The following MGAT4A variants were observed in gnomAD, a reference collection of about 807,000 sequenced individuals.
MGAT4A encodes the protein alpha-1,3-mannosyl-glycoprotein 4-beta-N-acetylglucosaminyltransferase A, also known as N-acetylglucosaminyltransferase IVa.
Under a neutral mutation model 74.1 loss-of-function variants are expected in MGAT4A, and 33 were observed. The observed-to-expected ratio is 0.45, with a 90% CI of 0.34 to 0.60. The LOEUF (loss-of-function observed/expected upper bound fraction) is 0.60, where lower values mean the gene tolerates loss of function less well. Among genes scored for constraint, MGAT4A ranks in the 20% least tolerant of loss-of-function variants. The probability of loss-of-function intolerance (pLI) is 0.02; values close to 1 mark genes in which losing one functional copy is unlikely to be tolerated. For synonymous variants in MGAT4A, 198 were observed against 210.4 expected, an observed-to-expected ratio of 0.94 and a Z score of 0.51; for missense variants, 479 against 628.3, an observed-to-expected ratio of 0.76 and a Z score of 2.54.
intron 12 of MGAT4A, among the ~76,000 whole-genome samples, chr2:98,637,699 C>G (rs934284065): frequency 2.0e-5 from 3 of 152,138 alleles, no homozygotes; most frequent in African/African-American, 7.2e-5. Flanking sequence ...GACCTGGGTC[C>G]AAATCCTGGG....
At chr2:98,645,046 T>C (rs1701465275) in intron 9 of MGAT4A, among the ~76,000 whole-genome samples, 2 of 152,250 alleles carry the variant, frequency 1.3e-5, no homozygotes, top group South Asian at 4.1e-4. Flanking sequence ...ATCACTGAAT[T>C]AGGACTTCAT....
chr2:98,702,404 G>A (rs1198216467), intron 2 of MGAT4A, among the ~76,000 whole-genome samples: 1 of 152,180 alleles, frequency 6.6e-6, no homozygotes, highest in Non-Finnish European at 1.5e-5. Flanking sequence ...ACACCAGCTG[G>A]AGACTTAATA....
At chr2:98,659,984 A>C (rs1392772717) in intron 5 of MGAT4A, among the ~76,000 whole-genome samples, 1 of 152,200 alleles carries the variant, frequency 6.6e-6, no homozygotes, top group African/African-American at 2.4e-5. Context: ...AAAAAGGTAT[A>C]GCTTAATCCT....
At chr2:98,697,079 T>TA (rs1702284909) in intron 2 of MGAT4A, among the ~76,000 whole-genome samples, 1 of 152,174 alleles carries the variant, frequency 6.6e-6, no homozygotes, top group African/African-American at 2.4e-5. Context: ...TTACATGGAA[T>TA]AAAGTGGACA....
At chr2:98,655,647 T>TACACACACACTC (rs1701647262) in intron 7 of MGAT4A, 127 bp from the exon 8 acceptor site, 7 of 578,726 alleles carry the variant, frequency 1.2e-5, no homozygotes, top group Middle Eastern at 4.6e-4. Context: ...CACACACACA[T>TACACACACACTC]ACACACACAC....
intron 2 of MGAT4A, among the ~76,000 whole-genome samples, chr2:98,700,121 T>C (rs559374694): frequency 3.9e-5 from 6 of 152,096 alleles, no homozygotes; most frequent in Admixed American, 2.0e-4. Flanking sequence ...TGATTTTACC[T>C]GGAATGGTCC....
At chr2:98,669,412 T>C (rs1701881062) in intron 4 of MGAT4A, among the ~76,000 whole-genome samples, 1 of 152,196 alleles carries the variant, frequency 6.6e-6, no homozygotes, top group South Asian at 2.1e-4. Flanking sequence ...CCTTCCGCCA[T>C]GATTGTGAGG....
chr2:98,634,505 C>T (rs919479259), intron 14 of MGAT4A, among the ~76,000 whole-genome samples: 5 of 151,566 alleles, frequency 3.3e-5, no homozygotes, highest in African/African-American at 1.2e-4. Flanking sequence ...AACAAAAAGG[C>T]CTCAGGGTTC....
At chr2:98,721,387 TA>T (rs1402742010) in intron 2 of MGAT4A, among the ~76,000 whole-genome samples, 1 of 143,188 alleles carries the variant, frequency 7.0e-6, no homozygotes, top group Non-Finnish European at 1.5e-5. Context: ...ACTATTAATG[TA>T]TTTTTTTCTT....
At chr2:98,728,696 C>T in intron 1 of MGAT4A, among the ~76,000 whole-genome samples, 1 of 151,634 alleles carries the variant, frequency 6.6e-6, no homozygotes, top group East Asian at 1.9e-4. Context: ...TTGCAGTGAG[C>T]CGAGATCACA....
intron 2 of MGAT4A, among the ~76,000 whole-genome samples, chr2:98,720,356 G>A (rs1161078648): frequency 6.6e-6 from 1 of 152,234 alleles, no homozygotes; most frequent in Non-Finnish European, 1.5e-5. Context: ...GATCAAAAAG[G>A]TGGAGGAAGG....
chr2:98,626,712 T>C (rs1336307643), intron 14 of MGAT4A, among the ~76,000 whole-genome samples: 2 of 152,176 alleles, frequency 1.3e-5, no homozygotes, highest in African/African-American at 2.4e-5. Flanking sequence ...TTTGGTAATA[T>C]AGGTATACCA....
intron 8 of MGAT4A, 86 bp downstream of exon 8, chr2:98,655,359 T>C: frequency 1.9e-6 from 2 of 1,050,406 alleles, no homozygotes; most frequent in Non-Finnish European, 2.8e-6. Context: ...GTTTGCACTT[T>C]CAAAACTTCC....
At chr2:98,662,464 T>C (rs1374203270) in intron 5 of MGAT4A, among the ~76,000 whole-genome samples, 3 of 152,182 alleles carry the variant, frequency 2.0e-5, no homozygotes, top group Non-Finnish European at 2.9e-5. Context: ...TCTAAAAAGT[T>C]AGGAATTAGT....
chr2:98,639,993 A>C lies in MGAT4A; in HGVS notation c.1137T>G (p.Asp379Glu). 6.2e-7 allele frequency: 1 copy of C among 1,610,240 alleles called. No individual in the cohort carries two copies. The highest frequency in any genetic ancestry group is 8.5e-7 in the Non-Finnish European group (1 of 1,178,106). ...SGKIQKLTDK[D>E]YMKPLLLKIH... Reference sequence around the variant, plus strand: ...TTTTAAGAAGTAATGGTTTCATATAATCTTTATCCTGGGAGCAAAGACATA... The same window carrying C: ...TTTTAAGAAGTAATGGTTTCATATACTCTTTATCCTGGGAGCAAAGACATA... The change falls in exon 12 of 16, where the codon GAT becomes GAG. Residue 379 changes from aspartate to glutamate, a missense_variant. By Grantham distance (45) the Asp-to-Glu change is conservative. Coordinates refer to ENST00000393487, the MANE Select transcript of MGAT4A (RefSeq NM_012214.3).
intron 10 of MGAT4A, among the ~76,000 whole-genome samples, chr2:98,643,279 C>A (rs140702781): frequency 6.6e-6 from 1 of 152,138 alleles, no homozygotes; most frequent in Non-Finnish European, 1.5e-5. Flanking sequence ...CAGTCTTGGG[C>A]TCCCAAGGTG....
chr2:98,631,486 G>A (rs1204202198), intron 14 of MGAT4A, among the ~76,000 whole-genome samples: 2 of 152,172 alleles, frequency 1.3e-5, no homozygotes, highest in Non-Finnish European at 1.5e-5. Context: ...TCCCCATACT[G>A]TGCCTATAAA....
intron 9 of MGAT4A, among the ~76,000 whole-genome samples, chr2:98,644,638 CTTT>C (rs531715546): frequency 6.9e-6 from 1 of 145,016 alleles, no homozygotes. Flanking sequence ...TAAACATACT[CTTT>C]TTTTTTTTTT....
At chr2:98,696,017 G>A (rs1392238012) in intron 2 of MGAT4A, among the ~76,000 whole-genome samples, 1 of 151,830 alleles carries the variant, frequency 6.6e-6, no homozygotes, top group Non-Finnish European at 1.5e-5. Context: ...AAGTAGCTGG[G>A]ATTACAGGCA....
Sources: allele counts gnomAD v4.1 joint callset (sites outside exome capture counted in the v4.1 genomes callset), GRCh38; gene constraint gnomAD v4.1.1; transcripts MANE v1.5; gene names NCBI Gene and HGNC (gene_info 2026-07-23, HGNC 2026-07-21).